HIBADH: variants seen among roughly 807,000 people sequenced by gnomAD.
The protein encoded by HIBADH is 3-hydroxyisobutyrate dehydrogenase, mitochondrial.
A neutral mutation model predicts 36.1 loss-of-function variants in HIBADH; 25 were observed. The observed-to-expected ratio is 0.69, with a 90% CI of 0.50 to 0.97. HIBADH has a LOEUF of 0.97. HIBADH is among the 50% of genes least tolerant of loss of function. HIBADH has a pLI of 0.00. For missense variants in HIBADH, 421 were observed against 418.0 expected (o/e 1.01, Z -0.06); for synonymous variants, 160 against 149.5 (o/e 1.07, Z -0.51).
At chr7:27,600,040 G>T (rs1391584032) in intron 4 of HIBADH, among the ~76,000 whole-genome samples, 3 of 152,078 alleles carry the variant, frequency 2.0e-5, no homozygotes, top group Non-Finnish European at 4.4e-5. Context: ...ATGTTTTGAC[G>T]GGGTCAGGGA....
At chr7:27,578,443 T>G (rs1379289760) in intron 4 of HIBADH, among the ~76,000 whole-genome samples, 1 of 151,938 alleles carries the variant, frequency 6.6e-6, no homozygotes, top group African/African-American at 2.4e-5. Context: ...AGACTCCTGA[T>G]AGCTGAGATT....
intron 7 of HIBADH, 103 bp from the exon 8 acceptor site, chr7:27,526,475 G>T: frequency 1.2e-6 from 1 of 832,010 alleles, no homozygotes; most frequent in Non-Finnish European, 1.7e-6. Flanking sequence ...AATGTAATCT[G>T]AAAAAATAAG....
intron 6 of HIBADH, 93 bp downstream of exon 6, chr7:27,538,248 T>C (rs1002679254): frequency 3.4e-5 from 33 of 964,100 alleles, no homozygotes; most frequent in Non-Finnish European, 4.9e-5. Flanking sequence ...GATCAACTCA[T>C]TTATCTCTCA....
chr7:27,659,330 T>C (rs1786370360), intron 1 of HIBADH, among the ~76,000 whole-genome samples: 3 of 152,344 alleles, frequency 2.0e-5, no homozygotes, highest in African/African-American at 4.8e-5. Context: ...TAAAATAACA[T>C]ACACAATTTT....
At chr7:27,632,169 A>G (rs567190966) in intron 3 of HIBADH, among the ~76,000 whole-genome samples, 167 bp downstream of exon 3, 76 of 152,316 alleles carry the variant, frequency 5.0e-4, no homozygotes, top group South Asian at 4.1e-3. Flanking sequence ...GACTTCAGTG[A>G]AAAAATAAGC....
At chr7:27,631,621 A>AT (rs1209221829) in intron 3 of HIBADH, among the ~76,000 whole-genome samples, 1 of 152,230 alleles carries the variant, frequency 6.6e-6, no homozygotes, top group African/African-American at 2.4e-5. Flanking sequence ...ATAAGCAGCA[A>AT]TTAACCAAAA....
intron 1 of HIBADH, among the ~76,000 whole-genome samples, chr7:27,653,971 A>C (rs977225121): frequency 6.6e-6 from 1 of 152,228 alleles, no homozygotes; most frequent in Non-Finnish European, 1.5e-5. Context: ...AACAGATGTT[A>C]GAATTAGAAA....
At chr7:27,596,349 G>A (rs1785032355) in intron 4 of HIBADH, among the ~76,000 whole-genome samples, 1 of 152,180 alleles carries the variant, frequency 6.6e-6, no homozygotes. Flanking sequence ...GATCTAAACA[G>A]TTCCCAAAAG....
chr7:27,627,631 A>C (rs920996570), intron 4 of HIBADH, among the ~76,000 whole-genome samples: 2 of 152,212 alleles, frequency 1.3e-5, no homozygotes, highest in Admixed American at 6.5e-5. Flanking sequence ...GGAAGGTGGA[A>C]CAGTTTGTAA....
At position 27,538,246 on chromosome 7, in the gene HIBADH, C is replaced by T. The variant is rs1777105000; in HGVS notation, c.695+95G>A. 3 of 937,456 alleles carry T rather than the reference C, an allele frequency of 3.2e-6. No individual in the cohort carries two copies. In the African/African-American group the frequency reaches 5.0e-5, roughly 16 times the overall value. The allele number at this position is 937,456 out of a possible 1,614,324, so 58.1% of individuals were successfully genotyped here. ...CTTTCAAAATGTTCTTGGATCAACT[C>T]ATTTATCTCTCATGAATATCATTTT... On this transcript the variant is annotated intron_variant, in intron 6 of 7. Transcript: ENST00000265395.
chr7:27,628,142 T>C (rs1032923388), intron 4 of HIBADH, among the ~76,000 whole-genome samples: 2 of 152,100 alleles, frequency 1.3e-5, no homozygotes, highest in East Asian at 3.8e-4. Flanking sequence ...TATTAGTATT[T>C]TGTAGGTACT....
chr7:27,655,405 A>G (rs1786280984), intron 1 of HIBADH, among the ~76,000 whole-genome samples: 1 of 152,206 alleles, frequency 6.6e-6, no homozygotes, highest in Non-Finnish European at 1.5e-5. Context: ...CTTTCAAATG[A>G]TTCAAGCGGG....
At chr7:27,592,747 A>T (rs1784959585) in intron 4 of HIBADH, among the ~76,000 whole-genome samples, 1 of 152,200 alleles carries the variant, frequency 6.6e-6, no homozygotes, top group Non-Finnish European at 1.5e-5. Context: ...TGTCTCTAAA[A>T]TGTTTTCCAC....
intron 4 of HIBADH, among the ~76,000 whole-genome samples, chr7:27,611,497 C>T (rs564719469): frequency 4.4e-4 from 54 of 123,492 alleles, no homozygotes; most frequent in East Asian, 2.1e-3. Context: ...CGTGTGTGCG[C>T]GCACACACAC....
chr7:27,561,063 T>C (rs1260247452), intron 4 of HIBADH, among the ~76,000 whole-genome samples: 1 of 152,220 alleles, frequency 6.6e-6, no homozygotes, highest in Non-Finnish European at 1.5e-5. Flanking sequence ...GTTAGTGATG[T>C]AGAGCATATT....
At chr7:27,657,448 G>A (rs1333578774) in intron 1 of HIBADH, among the ~76,000 whole-genome samples, 1 of 152,084 alleles carries the variant, frequency 6.6e-6, no homozygotes, top group Admixed American at 6.5e-5. Flanking sequence ...CACAGAGGAG[G>A]TTAAATCAAC....
At chr7:27,580,092 C>A (rs964282631) in intron 4 of HIBADH, among the ~76,000 whole-genome samples, 1 of 152,102 alleles carries the variant, frequency 6.6e-6, no homozygotes, top group Admixed American at 6.5e-5. Context: ...CTGTTTTCTA[C>A]GATTTTTCAT....
At chr7:27,661,733 T>C (rs1416336538) in intron 1 of HIBADH, among the ~76,000 whole-genome samples, 5 of 151,880 alleles carry the variant, frequency 3.3e-5, no homozygotes, top group East Asian at 1.9e-4. Context: ...AAACGATGCA[T>C]TGTTACAACT....
At chr7:27,575,624 A>T (rs951983634) in intron 4 of HIBADH, among the ~76,000 whole-genome samples, 20 of 152,178 alleles carry the variant, frequency 1.3e-4, no homozygotes, top group Non-Finnish European at 2.8e-4. Flanking sequence ...CAGGGATGGT[A>T]AAAGCAGCAA....
Sources: allele counts gnomAD v4.1 joint callset (sites outside exome capture counted in the v4.1 genomes callset), GRCh38; gene constraint gnomAD v4.1.1; transcripts MANE v1.5; gene names NCBI Gene and HGNC (gene_info 2026-07-23, HGNC 2026-07-21).